GRK5: variants seen among roughly 807,000 people sequenced by gnomAD.
The protein encoded by GRK5 is G protein-coupled receptor kinase 5, also known as g protein-coupled receptor kinase GRK5.
Under a neutral mutation model 78.4 loss-of-function variants are expected in GRK5, and 40 were observed. The observed-to-expected ratio is 0.51, with a 90% CI of 0.40 to 0.66. The LOEUF (loss-of-function observed/expected upper bound fraction) is 0.66, where lower values mean the gene tolerates loss of function less well. Ranked by LOEUF, GRK5 falls within the 30% of genes least tolerant of loss-of-function variation. The pLI is 0.00. For missense variants in GRK5, 598 were observed against 759.9 expected (o/e 0.79, Z 2.50); for synonymous variants, 289 against 296.8 (o/e 0.97, Z 0.27).
chr10:119,348,316 C>T (rs1385877234), intron 2 of GRK5, among the ~76,000 whole-genome samples: 2 of 152,216 alleles, frequency 1.3e-5, no homozygotes, highest in African/African-American at 4.8e-5. Flanking sequence ...CTGTTTGTTT[C>T]CTGTTCTTTG....
intron 4 of GRK5, among the ~76,000 whole-genome samples, chr10:119,421,215 C>T (rs546190919): frequency 6.6e-6 from 1 of 152,370 alleles, no homozygotes; most frequent in African/African-American, 2.4e-5. Flanking sequence ...CGGCTCTCTC[C>T]TTCCTGAAGC....
rs751146861 is a variant in GRK5, at chr10:119,443,649, G to A, written c.1163G>A (p.Arg388His). The A allele has an allele frequency of 1.2e-5, 20 of 1,613,440 alleles. No homozygotes were observed. Among genetic ancestry groups the A allele is most frequent in the Admixed American group, 3.3e-5 (2 of 60,004 alleles). Reference sequence around the variant, plus strand: ...GAGGGCCAGTCGCCGTTCCGCGGCCGCAAGGAGAAGGTGAAGCGGGAGGAG... The same window carrying A: ...GAGGGCCAGTCGCCGTTCCGCGGCCACAAGGAGAAGGTGAAGCGGGAGGAG... Reference protein sequence around the residue: ...MIEGQSPFRGRKEKVKREEVD... With the variant: ...MIEGQSPFRGHKEKVKREEVD... Residue 388 changes from arginine (R) to histidine (H), a missense_variant, in exon 12 of 16, where the codon CGC becomes CAC. By Grantham distance (29) the Arg-to-His change is conservative (BLOSUM62 0). Coordinates refer to ENST00000392870, the MANE Select transcript of GRK5 (RefSeq NM_005308.3).
chr10:119,442,559 G>A (rs759558971), intron 11 of GRK5, among the ~76,000 whole-genome samples: 14 of 152,214 alleles, frequency 9.2e-5, no homozygotes, highest in South Asian at 2.1e-4. Flanking sequence ...TGAGACCAGC[G>A]TCCTGGGGGT....
Position 119,238,851 on chromosome 10 carries a change from AG to A in GRK5, c.52+30885del, listed in dbSNP as rs1355083472. 2.0e-5 allele frequency among the ~76,000 whole-genome samples: 3 copies of A among 152,168 alleles called. No homozygotes were observed. The highest frequency in any genetic ancestry group is 2.9e-5 in the Non-Finnish European group (2 of 68,030). On this transcript the variant is annotated intron_variant, in intron 1 of 15. Coordinates refer to ENST00000392870, the MANE Select transcript of GRK5 (RefSeq NM_005308.3). The surrounding 1 kb of genome is among the most constrained non-coding windows in gnomAD (Gnocchi z 4.7). Reference sequence around the variant, plus strand: ...AATAGAATCCCCTTTCATTCTTGAAAGGGTCCCTGTTTGGGCAATAAAGTTG... The same window carrying A: ...AATAGAATCCCCTTTCATTCTTGAAAGGTCCCTGTTTGGGCAATAAAGTTG...
intron 1 of GRK5, among the ~76,000 whole-genome samples, chr10:119,233,366 G>C (rs1431567652): frequency 6.6e-6 from 1 of 152,096 alleles, no homozygotes; most frequent in Non-Finnish European, 1.5e-5. Flanking sequence ...TCAGGGATGG[G>C]GATGGGATTC....
intron 1 of GRK5, among the ~76,000 whole-genome samples, chr10:119,312,196 G>A (rs1210522251): frequency 2.0e-5 from 3 of 152,226 alleles, no homozygotes; most frequent in Middle Eastern, 3.2e-3. Flanking sequence ...GATTACAGGC[G>A]TGAGCCTCTG....
chr10:119,335,167 T>TCTCTCTCTCTCTCTCTCTCTCC (rs1564895378), intron 2 of GRK5, among the ~76,000 whole-genome samples: 1 of 140,742 alleles, frequency 7.1e-6, no homozygotes, highest in Non-Finnish European at 1.5e-5. Flanking sequence ...TCTCTCTCTC[T>TCTCTCTCTCTCTCTCTCTCTCC]CTCTCTCTCC....
intron 1 of GRK5, among the ~76,000 whole-genome samples, chr10:119,272,943 G>C (rs1314496840): frequency 6.6e-6 from 1 of 152,208 alleles, no homozygotes; most frequent in Non-Finnish European, 1.5e-5. Flanking sequence ...CAGGCTTCAA[G>C]CAGAAGCTGG....
chr10:119,290,392 G>A (rs1260071321), intron 1 of GRK5, among the ~76,000 whole-genome samples: 1 of 146,338 alleles, frequency 6.8e-6, no homozygotes, highest in Non-Finnish European at 1.5e-5. Context: ...CCTTCTCCCT[G>A]TGGCCGTCAC....
rs910183071 is a variant in GRK5, at chr10:119,238,012, T to C, written c.52+30043T>C. On this transcript the variant is annotated intron_variant, in intron 1 of 15. Coordinates refer to ENST00000392870, the MANE Select transcript of GRK5 (RefSeq NM_005308.3). The surrounding 1 kb of genome is among the most constrained non-coding windows in gnomAD (Gnocchi z 4.7). ...AGGGCTCTAAGCCTTGCTTCTTGCA[T>C]TTCCTGTCTTTAAACTTACGAACTA... 6.6e-6 allele frequency among the ~76,000 whole-genome samples: 1 copy of C among 152,114 alleles called. No individual in the cohort carries two copies.
intron 2 of GRK5, chr10:119,334,598 G>A (rs1442602622): frequency 6.6e-6 from 1 of 152,196 alleles, no homozygotes; most frequent in Non-Finnish European, 1.5e-5. Context: ...GATTGTTGAG[G>A]TCTGCAAATA....
chr10:119,412,473 C>A lies in GRK5; in HGVS notation c.340-10693C>A, dbSNP rs988752454. On this transcript the variant is annotated intron_variant, in intron 4 of 15. Coordinates refer to ENST00000392870, the MANE Select transcript of GRK5 (RefSeq NM_005308.3). The surrounding 1 kb of genome is among the most constrained non-coding windows in gnomAD (Gnocchi z 4.3). ...GCCACGAGCCCGCACAGCTCGTGAG[C>A]GTGTGGCCGGACTGATTTATTTTTC... Among the ~76,000 whole-genome samples, 2 of 152,168 alleles carry A rather than the reference C, an allele frequency of 1.3e-5. No homozygotes were observed. The highest frequency in any genetic ancestry group is 2.9e-5 in the Non-Finnish European group (2 of 68,036).
At chr10:119,262,235 C>G (rs1318178580) in intron 1 of GRK5, among the ~76,000 whole-genome samples, 1 of 151,772 alleles carries the variant, frequency 6.6e-6, no homozygotes, top group Non-Finnish European at 1.5e-5. Flanking sequence ...ACAAGTGGTG[C>G]CCCTGACAGC....
In GRK5 at chr10:119,444,768, G is replaced by T. The variant is rs373302389; in HGVS notation, c.1266+1016G>T. Among the ~76,000 whole-genome samples, 19 of 152,282 alleles carry T rather than the reference G, an allele frequency of 1.2e-4. No individual in the cohort carries two copies. The South Asian group carries it at 1.4e-3, about 12-fold the overall frequency. ...CAGATGGGCAAACCGAGCCTGGGAG[G>T]GGGGAGCCACACTTCCCACCCCTCT... On this transcript the variant is annotated intron_variant, in intron 12 of 15. Coordinates refer to ENST00000392870, the MANE Select transcript of GRK5 (RefSeq NM_005308.3).
chr10:119,212,811 A>G (rs556296529), intron 1 of GRK5: 4 of 152,334 alleles, frequency 2.6e-5, no homozygotes, highest in Admixed American at 2.6e-4. Context: ...TTCCTCAATC[A>G]TACAGCCCTC....
At chr10:119,437,183 G>T (rs1037238790) in intron 9 of GRK5, among the ~76,000 whole-genome samples, 10 of 152,368 alleles carry the variant, frequency 6.6e-5, no homozygotes, top group Middle Eastern at 6.8e-3. Context: ...AGCCAGGGAA[G>T]CTGGGAGGGG....
intron 1 of GRK5, 55 bp downstream of exon 1, chr10:119,208,024 G>A: frequency 1.3e-6 from 2 of 1,548,136 alleles, no homozygotes; most frequent in Non-Finnish European, 1.8e-6. Context: ...CAGGGTGCGG[G>A]TGTCGGGTGG....
At position 119,385,893 on chromosome 10, in the gene GRK5, T is replaced by A. The variant is rs544649340; in HGVS notation, c.261+4966T>A. Among the ~76,000 whole-genome samples, 11 of 151,982 alleles carry A rather than the reference T, an allele frequency of 7.2e-5. No individual in the cohort carries two copies. In the South Asian group the frequency reaches 8.3e-4, roughly 12 times the overall value. ...GGGAGTTGTCAACTTTTTTTTTTTT[T>A]AATTTTTATTTTTGAGAGTCTTACT... On this transcript the variant is annotated intron_variant, in intron 3 of 15. Coordinates refer to ENST00000392870, the MANE Select transcript of GRK5 (RefSeq NM_005308.3).
In GRK5 at chr10:119,430,541, G is replaced by A; in HGVS notation, c.597+103G>A. On this transcript the variant is annotated intron_variant, in intron 7 of 15. Coordinates refer to ENST00000392870, the MANE Select transcript of GRK5 (RefSeq NM_005308.3). This position sits in a 1 kb window ranked among gnomAD's most constrained non-coding sequence, Gnocchi z 4.5. ...AGGGTTGGCCCACGGGTCCCCCGGG[G>A]GCACCAGTGGCTCAATGTGGGCCCC... 1 of 993,028 alleles carries A rather than the reference G, an allele frequency of 1.0e-6. No homozygotes were observed. The allele number at this position is 993,028 out of a possible 1,614,324, so 61.5% of individuals were successfully genotyped here.
Sources: allele counts gnomAD v4.1 joint callset (sites outside exome capture counted in the v4.1 genomes callset), GRCh38; gene constraint gnomAD v4.1.1; non-coding constraint Gnocchi (gnomAD v3.1); transcripts MANE v1.5; gene names NCBI Gene and HGNC (gene_info 2026-07-23, HGNC 2026-07-21).